UBE3B: variants seen among roughly 807,000 people sequenced by gnomAD.
UBE3B encodes ubiquitin-protein ligase E3B.
Under a neutral mutation model 132.3 loss-of-function variants are expected in UBE3B, and 80 were observed. The ratio of observed to expected loss-of-function variants is 0.60; its 90% CI spans 0.50 to 0.73. The LOEUF (loss-of-function observed/expected upper bound fraction) is 0.73, where lower values mean the gene tolerates loss of function less well. Ranked by LOEUF, UBE3B falls within the 30% of genes least tolerant of loss-of-function variation. The pLI is 0.00. For synonymous variants in UBE3B, 487 were observed against 520.4 expected (o/e 0.94, Z 0.87); for missense variants, 1,196 against 1,362.5 (o/e 0.88, Z 1.92).
chr12:109,516,673 C>G (rs1368822566), intron 18 of UBE3B, 92 bp from the exon 19 acceptor site: 9 of 1,554,498 alleles, frequency 5.8e-6, no homozygotes, highest in Non-Finnish European at 7.8e-6. Flanking sequence ...TGCATCTCAT[C>G]TAACTTCAGT....
chr12:109,543,947 T>C, the UBE3B span, among the ~76,000 whole-genome samples: 2 of 151,932 alleles, frequency 1.3e-5, no homozygotes, highest in Admixed American at 1.3e-4. Flanking sequence ...CCAAGCTACA[T>C]GTAGACGATG....
At chr12:109,524,565 G>A (rs1051916577) in intron 23 of UBE3B, 62 bp downstream of exon 23, 35 of 1,563,948 alleles carry the variant, frequency 2.2e-5, no homozygotes, top group South Asian at 1.6e-4. Flanking sequence ...GAGACCTGCC[G>A]TGTTATTTGT....
At chr12:109,547,279 T>C in the UBE3B span, among the ~76,000 whole-genome samples, 1 of 152,186 alleles carries the variant, frequency 6.6e-6, no homozygotes, top group Non-Finnish European at 1.5e-5. This position sits in a 1 kb window ranked among gnomAD's most constrained non-coding sequence, Gnocchi z 4.1. Context: ...AGCCACTTTC[T>C]CATCACGACC....
intron 1 of UBE3B, among the ~76,000 whole-genome samples, chr12:109,478,872 G>C (rs1034287767): frequency 1.3e-5 from 2 of 152,262 alleles, no homozygotes; most frequent in Admixed American, 1.3e-4. Context: ...CGTCTGCCCA[G>C]AACAAGTGGT....
In UBE3B at chr12:109,510,346, A is replaced by C; in HGVS notation, c.1744A>C (p.Asn582His). The C allele has an allele frequency of 6.2e-7, 1 of 1,602,518 alleles. No homozygotes were observed. The highest frequency in any genetic ancestry group is 8.5e-7 in the Non-Finnish European group (1 of 1,174,248). The change falls in exon 17 of 28, where the codon AAC becomes CAC. Residue 582 changes from asparagine (N) to histidine (H), a missense_variant and splice_region_variant. Transcript: ENST00000342494. The stretch of plus-strand genomic sequence containing the variant: ...TTTCCTGTTTGTTTGTCCCACAGAG[A>C]ACGCCAAGGGTGAGACCTTGGAGCT... The part of the protein sequence containing the change: ...FKMIWDGIVE[N>H]AKGETLELFQ...
Position 109,535,071 on chromosome 12 carries a change from G to A in UBE3B, c.*289G>A, listed in dbSNP as rs1465134705. 2 of 304,480 alleles carry A rather than the reference G, an allele frequency of 6.6e-6. No homozygotes were observed. The highest frequency in any genetic ancestry group is 4.3e-5 in the African/African-American group (2 of 46,544). The allele number at this position is 304,480 out of a possible 1,614,324, so 18.9% of individuals were successfully genotyped here. A position where few individuals can be genotyped will look rare whatever the true frequency, so the allele number is the denominator to read the frequency against. The stretch of plus-strand genomic sequence containing the variant: ...ATGGCAGAGGGGCTTCTTTTAGCTA[G>A]TTTGATCTTTTGGGAGTCTGTCTTT... On this transcript the variant is annotated 3_prime_UTR_variant, in exon 28 of 28. Transcript: ENST00000342494.
chr12:109,517,021 G>A, intron 19 of UBE3B, 137 bp downstream of exon 19: 2 of 1,337,772 alleles, frequency 1.5e-6, no homozygotes, highest in Non-Finnish European at 2.0e-6. Context: ...GAGCAGGAAA[G>A]GGGTCATTTG....
chr12:109,515,289 A>G (rs990554099), intron 18 of UBE3B, among the ~76,000 whole-genome samples: 2 of 152,196 alleles, frequency 1.3e-5, no homozygotes, highest in African/African-American at 2.4e-5. Context: ...GAGTTAACAT[A>G]ATAATTAAAT....
At chr12:109,519,845 G>A (rs1355548716) in intron 19 of UBE3B, 5 of 151,486 alleles carry the variant, frequency 3.3e-5, no homozygotes. Flanking sequence ...GTCTTGAGAG[G>A]TAATTTTCCC....
In UBE3B at chr12:109,522,988, C is replaced by T. The variant is rs1479691686; in HGVS notation, c.2365-990C>T. ...AGCCTGGGCCACCTGGAAAGCATGG[C>T]CTCCTGGCTTCTCTGAATGTCATGC... On this transcript the variant is annotated intron_variant, in intron 21 of 27. Coordinates refer to ENST00000342494, the MANE Select transcript of UBE3B (RefSeq NM_130466.4). This position sits in a 1 kb window ranked among gnomAD's most constrained non-coding sequence, Gnocchi z 4.2. Among the ~76,000 whole-genome samples the T allele has an allele frequency of 6.6e-6, 1 of 152,230 alleles. No homozygotes were observed. Among genetic ancestry groups the T allele is most frequent in the African/African-American group, 2.4e-5 (1 of 41,460 alleles).
intron 13 of UBE3B, among the ~76,000 whole-genome samples, 159 bp downstream of exon 13, chr12:109,501,693 C>T (rs571888292): frequency 1.1e-4 from 16 of 152,224 alleles, no homozygotes; most frequent in Non-Finnish European, 2.1e-4. Context: ...ACTGTATTGC[C>T]CAGGCTACAG....
Position 109,533,540 on chromosome 12 carries a change from G to A in UBE3B, c.2997G>A (p.Val999=). 6.2e-7 allele frequency: 1 copy of A among 1,613,744 alleles called. No homozygotes were observed. The change falls in exon 27 of 28, where the codon GTG becomes GTA. Residue 999 remains valine, a synonymous_variant. Transcript: ENST00000342494. ...YLKPPFSIRC[V]EVSDDQDTGD... is the part of the protein sequence containing the mutation. ...AGCCTCCATTCTCCATCCGCTGCGT[G>A]GAGGTGTCGGACGATCAGGTACCCC...
intron 11 of UBE3B, 65 bp downstream of exon 11, chr12:109,498,418 T>G: frequency 6.4e-7 from 1 of 1,565,848 alleles, no homozygotes; most frequent in Non-Finnish European, 8.7e-7. Flanking sequence ...GTGTTTTGCC[T>G]GTCACTATTC....
At position 109,535,730 on chromosome 12, in the gene UBE3B, G is replaced by C. The variant is rs987140924; in HGVS notation, c.*948G>C. 6.6e-6 allele frequency: 1 copy of C among 152,224 alleles called. No homozygotes were observed. Among genetic ancestry groups the C allele is most frequent in the African/African-American group, 2.4e-5 (1 of 41,434 alleles). The allele number at this position is 152,224 out of a possible 1,614,324, so 9.4% of individuals were successfully genotyped here. A position where few individuals can be genotyped will look rare whatever the true frequency, so the allele number is the denominator to read the frequency against. ...GAGTCTGCAAAATCCCAGGAAACTT[G>C]GGTCTTGCTGCCCATCCTTCCTCAG... On this transcript the variant is annotated 3_prime_UTR_variant, in exon 28 of 28. Transcript: ENST00000342494.
intron 23 of UBE3B, among the ~76,000 whole-genome samples, chr12:109,525,129 C>T (rs915604268): frequency 1.3e-5 from 2 of 152,162 alleles, no homozygotes; most frequent in Non-Finnish European, 2.9e-5. Flanking sequence ...ACCTCAGAAC[C>T]CCCAGTCTCC....
intron 1 of UBE3B, among the ~76,000 whole-genome samples, chr12:109,480,239 G>C (rs1302735097): frequency 3.3e-5 from 5 of 150,612 alleles, no homozygotes; most frequent in African/African-American, 1.2e-4. Context: ...ACACCAGTTA[G>C]ACTTCCTGAC....
In UBE3B at chr12:109,483,854, T is replaced by G; in HGVS notation, c.162-7T>G. 6.2e-6 allele frequency: 10 copies of G among 1,606,416 alleles called. No individual in the cohort carries two copies. The highest frequency in any genetic ancestry group is 8.5e-6 in the Non-Finnish European group (10 of 1,176,202). On this transcript the variant is annotated splice_region_variant and splice_polypyrimidine_tract_variant and intron_variant, in intron 3 of 27. Transcript: ENST00000342494. ...TAAAATGTCTTTTTTTGCACTTTCT[T>G]TTCTAGGAGAGAGATTGATGACTTT...
the UBE3B span, among the ~76,000 whole-genome samples, chr12:109,542,614 G>T: frequency 7.2e-5 from 11 of 152,260 alleles, no homozygotes; most frequent in Admixed American, 2.6e-4. Context: ...ACCCTAATCC[G>T]ATGTGACTGG....
At position 109,491,084 on chromosome 12, in the gene UBE3B, C is replaced by G. The variant is rs1304566246; in HGVS notation, c.670C>G (p.Leu224Val). 1.2e-6 allele frequency: 2 copies of G among 1,614,100 alleles called. No homozygotes were observed. Among genetic ancestry groups the G allele is most frequent in the Admixed American group, 3.3e-5 (2 of 60,016 alleles). Reference protein sequence around the residue: ...TRGLARPRPCLSKGTLTAAFS... With the variant: ...TRGLARPRPCVSKGTLTAAFS... ...TGGCCTGGCAAGACCCCGTCCTTGT[C>G]TATCCAAAGGCACTTTAACAGCAGC... is the stretch of plus-strand genomic sequence containing the variant. Residue 224 changes from leucine (L) to valine (V), a missense_variant, in exon 9 of 28, where the codon CTA becomes GTA. Physicochemically the swap from Leu to Val is conservative, Grantham distance 32. Transcript: ENST00000342494.
Sources: allele counts gnomAD v4.1 joint callset (sites outside exome capture counted in the v4.1 genomes callset), GRCh38; gene constraint gnomAD v4.1.1; non-coding constraint Gnocchi (gnomAD v3.1); transcripts MANE v1.5; gene names NCBI Gene and HGNC (gene_info 2026-07-23, HGNC 2026-07-21).